NDST4: variants seen among roughly 807,000 people sequenced by gnomAD.
The protein encoded by NDST4 is N-deacetylase and N-sulfotransferase 4.
NDST4 carries 63 observed loss-of-function variants against 100.8 expected under a neutral mutation model. The observed-to-expected ratio is 0.62, with a 90% confidence interval of 0.51 to 0.77. The LOEUF (loss-of-function observed/expected upper bound fraction) is 0.77. Ranked by LOEUF, NDST4 falls within the 30% of genes least tolerant of loss-of-function variation. The probability of loss-of-function intolerance (pLI) is 0.00; values close to 1 mark genes in which losing one functional copy is unlikely to be tolerated. For synonymous variants in NDST4, 377 were observed against 361.8 expected, an observed-to-expected ratio of 1.04 and a Z score of -0.48; for missense variants, 943 against 1,018.4, an observed-to-expected ratio of 0.93 and a Z score of 1.01.
At chr4:114,874,115 A>G (rs1164721262) in intron 6 of NDST4, among the ~76,000 whole-genome samples, 3 of 152,306 alleles carry the variant, frequency 2.0e-5, no homozygotes, top group South Asian at 4.1e-4. Flanking sequence ...AAAAGAAGGA[A>G]TTGTAAGACA....
chr4:115,071,818 A>C (rs551424528), intron 2 of NDST4, among the ~76,000 whole-genome samples: 6 of 152,236 alleles, frequency 3.9e-5, no homozygotes, highest in African/African-American at 1.4e-4. Flanking sequence ...CCACAAAATT[A>C]TATTTGTCCA....
intron 1 of NDST4, among the ~76,000 whole-genome samples, chr4:115,102,272 T>C (rs1330819432): frequency 6.6e-6 from 1 of 152,106 alleles, no homozygotes; most frequent in Non-Finnish European, 1.5e-5. Flanking sequence ...CCTTGTATTC[T>C]TACAGGCAAA....
intron 2 of NDST4, among the ~76,000 whole-genome samples, chr4:115,022,129 T>TACACGTTCCATATATATAC (rs1727846369): frequency 8.6e-6 from 1 of 116,154 alleles, no homozygotes; most frequent in African/African-American, 4.5e-5. Flanking sequence ...CATATATATA[T>TACACGTTCCATATATATAC]ACGTTCCACG....
chr4:114,887,182 G>A (rs1251694041), intron 6 of NDST4, among the ~76,000 whole-genome samples: 1 of 152,258 alleles, frequency 6.6e-6, no homozygotes, highest in East Asian at 1.9e-4. Flanking sequence ...TTAAATTAGA[G>A]AAATTAGATT....
chr4:115,064,644 T>G (rs1393215066), intron 2 of NDST4, among the ~76,000 whole-genome samples: 1 of 152,112 alleles, frequency 6.6e-6, no homozygotes, highest in Non-Finnish European at 1.5e-5. Flanking sequence ...TTGTACCTAC[T>G]GAGCTTTCAT....
intron 6 of NDST4, among the ~76,000 whole-genome samples, chr4:114,924,417 G>T (rs1725347433): frequency 6.7e-6 from 1 of 148,198 alleles, no homozygotes; most frequent in Non-Finnish European, 1.5e-5. Context: ...GGTTAGTCCT[G>T]CAAATCTTTA....
In NDST4 at chr4:114,986,832, A is replaced by ATATATATTTT; in HGVS notation, c.979-9559_979-9558insAAAATATATA. The stretch of plus-strand genomic sequence containing the variant: ...TATATATATATATATATATATATAT[A>ATATATATTTT]TTTTAATATACTATTCCTATAAGCT... On this transcript the variant is annotated intron_variant, in intron 2 of 13. Transcript: ENST00000264363. Among the ~76,000 whole-genome samples the ATATATATTTT allele has an allele frequency of 2.0e-3, 186 of 94,622 alleles. 4 individuals carry two copies. Among genetic ancestry groups the ATATATATTTT allele is most frequent in the South Asian group, 3.0e-3 (7 of 2,328 alleles). The allele number at this position is 94,622 out of a possible 152,430, so 62.1% of individuals were successfully genotyped here.
intron 1 of NDST4, among the ~76,000 whole-genome samples, chr4:115,086,288 C>A (rs943215389): frequency 6.6e-6 from 1 of 152,016 alleles, no homozygotes; most frequent in African/African-American, 2.4e-5. Flanking sequence ...ACCACTGCTA[C>A]ATAAATCATA....
At chr4:114,897,415 C>T (rs1578373531) in intron 6 of NDST4, among the ~76,000 whole-genome samples, 1 of 152,200 alleles carries the variant, frequency 6.6e-6, no homozygotes, top group African/African-American at 2.4e-5. Flanking sequence ...TAACTCATTT[C>T]TTTTTGGCAC....
chr4:115,059,792 A>G (rs1728780361), intron 2 of NDST4, among the ~76,000 whole-genome samples: 1 of 151,996 alleles, frequency 6.6e-6, no homozygotes, highest in Non-Finnish European at 1.5e-5. Flanking sequence ...ATTAGTAGCA[A>G]CTAAGGGAAA....
Position 115,077,058 on chromosome 4 carries a change from A to C in NDST4, c.-22T>G, listed in dbSNP as rs201996663. The C allele has an allele frequency of 6.4e-7, 1 of 1,562,324 alleles. No homozygotes were observed. The highest frequency in any genetic ancestry group is 1.9e-5 in the Admixed American group (1 of 52,102). ...TCATTTTTTAGAATAATGTTTTGGAAGCTTTTTCCCAATTTCGTTTCCTAA... is the reference window on the plus strand; with the variant it reads ...TCATTTTTTAGAATAATGTTTTGGACGCTTTTTCCCAATTTCGTTTCCTAA... On this transcript the variant is annotated 5_prime_UTR_variant, in exon 2 of 14. Coordinates refer to ENST00000264363, the MANE Select transcript of NDST4 (RefSeq NM_022569.3).
At chr4:114,920,637 G>C (rs573420235) in intron 6 of NDST4, among the ~76,000 whole-genome samples, 2 of 152,252 alleles carry the variant, frequency 1.3e-5, no homozygotes, top group African/African-American at 4.8e-5. Flanking sequence ...TACAGTGCTA[G>C]AGGAGGCTAG....
intron 6 of NDST4, among the ~76,000 whole-genome samples, chr4:114,928,289 C>T (rs1725425352): frequency 6.6e-6 from 1 of 152,128 alleles, no homozygotes; most frequent in African/African-American, 2.4e-5. Context: ...TGCAGGCTCC[C>T]TCCTTGCCAG....
intron 1 of NDST4, among the ~76,000 whole-genome samples, chr4:115,087,562 T>C (rs942277907): frequency 3.3e-5 from 5 of 152,092 alleles, no homozygotes; most frequent in East Asian, 1.9e-4. Context: ...CTTAAGCTTA[T>C]GCTAATGGAG....
intron 4 of NDST4, among the ~76,000 whole-genome samples, chr4:114,969,905 G>A (rs1578421047): frequency 6.6e-6 from 1 of 152,070 alleles, no homozygotes; most frequent in East Asian, 1.9e-4. Flanking sequence ...TTCCACAATG[G>A]CTATACTAAT....
At chr4:115,109,275 T>C (rs1250593217) in intron 1 of NDST4, among the ~76,000 whole-genome samples, 1 of 151,968 alleles carries the variant, frequency 6.6e-6, no homozygotes, top group Non-Finnish European at 1.5e-5. Context: ...TCAACTTCTG[T>C]GTAGTTATAG....
In NDST4 at chr4:115,008,685, A is replaced by G. The variant is rs1278829564; in HGVS notation, c.979-31411T>C. 3.1e-5 allele frequency among the ~76,000 whole-genome samples: 4 copies of G among 127,278 alleles called. 1 individual carries two copies. Among genetic ancestry groups the G allele is most frequent in the Non-Finnish European group, 3.3e-5 (2 of 59,756 alleles). The allele number at this position is 127,278 out of a possible 152,430, so 83.5% of individuals were successfully genotyped here. A position where few individuals can be genotyped will look rare whatever the true frequency, so the allele number is the denominator to read the frequency against. The stretch of plus-strand genomic sequence containing the variant: ...CATAGTGTTGGAAGTTCTGGCCAGG[A>G]CAATTAGGCAGGAGAAGGAAATAAA... On this transcript the variant is annotated intron_variant, in intron 2 of 13. Coordinates refer to ENST00000264363, the MANE Select transcript of NDST4 (RefSeq NM_022569.3).
At chr4:114,940,124 G>A (rs929355144) in intron 4 of NDST4, among the ~76,000 whole-genome samples, 7 of 152,094 alleles carry the variant, frequency 4.6e-5, no homozygotes, top group Non-Finnish European at 1.0e-4. Flanking sequence ...ACACGTAAAT[G>A]ACAGAAAACA....
intron 6 of NDST4, among the ~76,000 whole-genome samples, chr4:114,927,967 A>T (rs910366697): frequency 2.0e-5 from 3 of 152,176 alleles, no homozygotes; most frequent in Non-Finnish European, 4.4e-5. Flanking sequence ...GATTTCATGG[A>T]TGTTGAACAC....
Sources: allele counts gnomAD v4.1 joint callset (sites outside exome capture counted in the v4.1 genomes callset), GRCh38; gene constraint gnomAD v4.1.1; transcripts MANE v1.5; gene names NCBI Gene and HGNC (gene_info 2026-07-23, HGNC 2026-07-21).